CDK12: variants seen among roughly 807,000 people sequenced by gnomAD.
CDK12 encodes cyclin-dependent kinase 12.
CDK12 carries 17 observed loss-of-function variants against 133.8 expected under a neutral mutation model. The observed-to-expected ratio is 0.13, with a 90% CI of 0.09 to 0.19. The LOEUF is 0.19. Among genes scored for constraint, CDK12 ranks in the 10% least tolerant of loss-of-function variants. The pLI is 1.00. For missense variants in CDK12, 1,508 were observed against 1,818.7 expected (o/e 0.83, Z 3.11); for synonymous variants, 694 against 683.6 (o/e 1.02, Z -0.24).
intron 2 of CDK12, among the ~76,000 whole-genome samples, chr17:39,472,795 G>C (rs566847493): frequency 6.6e-6 from 1 of 152,074 alleles, no homozygotes; most frequent in Admixed American, 6.6e-5. Flanking sequence ...CATGCTATCG[G>C]CCAGGCGCGG....
rs939422813 is a variant in CDK12, at chr17:39,533,336, G to A, written c.*2020G>A. 4.3e-6 allele frequency: 1 copy of A among 232,658 alleles called. No homozygotes were observed. Among genetic ancestry groups the A allele is most frequent in the South Asian group, 1.8e-4 (1 of 5,514 alleles). The allele number at this position is 232,658 out of a possible 1,614,324, so 14.4% of individuals were successfully genotyped here. ...CTTACTGACATGCTATTGGTAAATC[G>A]CATTAAAGTTCATCTGAACCTTCTG... On this transcript the variant is annotated 3_prime_UTR_variant, in exon 14 of 14. Coordinates refer to ENST00000447079, the MANE Select transcript of CDK12 (RefSeq NM_016507.4).
chr17:39,508,437 G>A (rs1226890977), intron 6 of CDK12, among the ~76,000 whole-genome samples: 1 of 152,040 alleles, frequency 6.6e-6, no homozygotes, highest in Admixed American at 6.6e-5. Context: ...TAGTTGTTGG[G>A]TTTTGCATTG....
intron 1 of CDK12, among the ~76,000 whole-genome samples, chr17:39,464,656 C>T (rs1323869920): frequency 6.6e-6 from 1 of 151,972 alleles, no homozygotes; most frequent in African/African-American, 2.4e-5. Context: ...ATGTTTCCTC[C>T]TCCATTTTAT....
At chr17:39,489,500 G>C (rs1185459393) in intron 2 of CDK12, among the ~76,000 whole-genome samples, 2 of 144,158 alleles carry the variant, frequency 1.4e-5, no homozygotes, top group African/African-American at 5.2e-5. Context: ...TACTGTGCCT[G>C]TTCTAATTTT....
chr17:39,507,827 T>C (rs1362960285), intron 6 of CDK12, among the ~76,000 whole-genome samples: 1 of 152,216 alleles, frequency 6.6e-6, no homozygotes. Context: ...CTATTTCTTG[T>C]TGCTTTTCTC....
intron 9 of CDK12, among the ~76,000 whole-genome samples, chr17:39,516,090 A>T (rs1157882179): frequency 1.3e-5 from 2 of 152,186 alleles, no homozygotes. Flanking sequence ...CTCAGATGAG[A>T]TTAAATTTAT....
At chr17:39,468,583 C>T (rs1344868965) in intron 1 of CDK12, among the ~76,000 whole-genome samples, 3 of 152,034 alleles carry the variant, frequency 2.0e-5, no homozygotes, top group Admixed American at 6.6e-5. Context: ...TCAAGCGGTT[C>T]TCCTGCTTCA....
chr17:39,517,022 C>T (rs544415680), intron 9 of CDK12, among the ~76,000 whole-genome samples: 44 of 152,150 alleles, frequency 2.9e-4, no homozygotes, highest in African/African-American at 1.0e-3. Context: ...ATTTGGTAAA[C>T]TGTTGATTAT....
At chr17:39,503,762 C>T (rs938318191) in intron 6 of CDK12, among the ~76,000 whole-genome samples, 1 of 152,192 alleles carries the variant, frequency 6.6e-6, no homozygotes, top group Non-Finnish European at 1.5e-5. Flanking sequence ...TCTGTCTACT[C>T]AGACCTGTGG....
intron 2 of CDK12, among the ~76,000 whole-genome samples, chr17:39,477,772 G>T (rs1275038336): frequency 1.3e-5 from 2 of 150,064 alleles, no homozygotes; most frequent in African/African-American, 2.5e-5. Context: ...ATGGGGTTTC[G>T]CCGTGTTAGC....
chr17:39,519,472 G>A (rs1447169685), intron 10 of CDK12, among the ~76,000 whole-genome samples: 3 of 151,324 alleles, frequency 2.0e-5, no homozygotes, highest in Non-Finnish European at 4.4e-5. Context: ...TGGCTAATGG[G>A]GTTTCACTAT....
At chr17:39,498,549 A>T (rs2052324813) in intron 5 of CDK12, among the ~76,000 whole-genome samples, 1 of 152,052 alleles carries the variant, frequency 6.6e-6, no homozygotes, top group Non-Finnish European at 1.5e-5. Flanking sequence ...AATTTTTTGT[A>T]GACAGAATCT....
intron 7 of CDK12, among the ~76,000 whole-genome samples, chr17:39,510,825 C>T (rs961074405): frequency 2.6e-5 from 4 of 151,122 alleles, no homozygotes; most frequent in African/African-American, 7.3e-5. Context: ...GTTGGTCACG[C>T]TGGTCTCGAA....
intron 11 of CDK12, among the ~76,000 whole-genome samples, chr17:39,520,763 C>T (rs1386972779): frequency 2.0e-5 from 3 of 152,036 alleles, no homozygotes; most frequent in South Asian, 4.2e-4. Context: ...CGGGTTCTAG[C>T]GATTCTCCTG....
chr17:39,537,130 G>A (rs966455329), downstream of CDK12, among the ~76,000 whole-genome samples: 1 of 152,134 alleles, frequency 6.6e-6, no homozygotes, highest in African/African-American at 2.4e-5. Context: ...TCTGAGTCTT[G>A]GAGGATGTCT....
intron 3 of CDK12, among the ~76,000 whole-genome samples, chr17:39,564,588 C>A (rs952951835): frequency 3.3e-5 from 5 of 152,210 alleles, no homozygotes; most frequent in African/African-American, 1.2e-4. Context: ...TCAAAGGAGG[C>A]TTTTTCCTCT....
intron 2 of CDK12, among the ~76,000 whole-genome samples, chr17:39,479,308 GAAA>G (rs34077108): frequency 2.0e-5 from 2 of 100,444 alleles, no homozygotes; most frequent in Admixed American, 1.3e-4. Context: ...GACTCCGTCT[GAAA>G]AAAAAAAAAA....
intron 2 of CDK12, among the ~76,000 whole-genome samples, chr17:39,480,251 G>T (rs919477441): frequency 6.8e-6 from 1 of 147,772 alleles, no homozygotes; most frequent in East Asian, 2.0e-4. Flanking sequence ...TTTGGGAAAA[G>T]AATGAAACTT....
intron 3 of CDK12, chr17:39,556,964 C>T (rs751680193): frequency 6.6e-6 from 1 of 152,156 alleles, no homozygotes; most frequent in Non-Finnish European, 1.5e-5. Context: ...TGGATTTAGC[C>T]TTGGGATCCT....
Sources: allele counts gnomAD v4.1 joint callset (sites outside exome capture counted in the v4.1 genomes callset), GRCh38; gene constraint gnomAD v4.1.1; transcripts MANE v1.5; gene names NCBI Gene and HGNC (gene_info 2026-07-23, HGNC 2026-07-21).